The following CATSPERB variants were observed in gnomAD, a reference collection of about 807,000 sequenced individuals.
CATSPERB encodes catsper channel auxiliary subunit beta.
In CATSPERB, 93 loss-of-function variants were observed where a neutral mutation model predicts 128.3. The observed-to-expected ratio is 0.72, with a 90% CI of 0.61 to 0.86. The LOEUF (loss-of-function observed/expected upper bound fraction) is 0.86. Among genes scored for constraint, CATSPERB ranks in the 40% least tolerant of loss-of-function variants. The probability of loss-of-function intolerance (pLI) is 0.00; values close to 1 mark genes in which losing one functional copy is unlikely to be tolerated. For synonymous variants in CATSPERB, 381 were observed against 448.8 expected (o/e 0.85, Z 1.91); for missense variants, 1,153 against 1,329.5 (o/e 0.87, Z 2.06).
intron 13 of CATSPERB, among the ~76,000 whole-genome samples, chr14:91,671,812 A>G (rs1013635230): frequency 2.7e-4 from 41 of 151,962 alleles, no homozygotes; most frequent in Non-Finnish European, 2.8e-4. Flanking sequence ...CGGGCAGATC[A>G]CGAGGTCAGG....
At chr14:91,692,175 C>CAAAAAA (rs748422210) in intron 9 of CATSPERB, among the ~76,000 whole-genome samples, 4 of 55,502 alleles carry the variant, frequency 7.2e-5, no homozygotes, top group African/African-American at 1.4e-4. Flanking sequence ...GACTCAGTCT[C>CAAAAAA]AAAAAAAAAA....
chr14:91,633,845 G>GA (rs1566712263), intron 17 of CATSPERB, among the ~76,000 whole-genome samples: 1 of 151,584 alleles, frequency 6.6e-6, no homozygotes, highest in Non-Finnish European at 1.5e-5. Context: ...GAGAGAGAGA[G>GA]AAAAAGAAAA....
At chr14:91,728,594 C>T (rs1896157822) in intron 2 of CATSPERB, among the ~76,000 whole-genome samples, 1 of 152,168 alleles carries the variant, frequency 6.6e-6, no homozygotes, top group Admixed American at 6.5e-5. Context: ...TCTAACTTTC[C>T]CTCCACGGAC....
intron 1 of CATSPERB, among the ~76,000 whole-genome samples, chr14:91,731,311 C>G (rs986887172): frequency 5.9e-5 from 9 of 152,230 alleles, no homozygotes; most frequent in South Asian, 2.1e-4. Flanking sequence ...GGGCATAGTT[C>G]CAGTCTCATT....
In CATSPERB at chr14:91,662,761, G is replaced by A. The variant is rs922525303; in HGVS notation, c.1288-2780C>T. 4.6e-5 allele frequency among the ~76,000 whole-genome samples: 7 copies of A among 152,258 alleles called. No homozygotes were observed. The South Asian group carries it at 1.0e-3, about 23-fold the overall frequency. On this transcript the variant is annotated intron_variant, in intron 14 of 26. Transcript: ENST00000256343. ...TTAAGTAGCTGAAAATGATATCGTC[G>A]TTCATTCCTGATTTGTATTTCCCTG...
intron 7 of CATSPERB, 115 bp from the exon 8 acceptor site, chr14:91,693,594 C>T (rs536390147): frequency 1.5e-6 from 1 of 686,292 alleles, no homozygotes; most frequent in South Asian, 1.8e-5. Context: ...ACTCTCACTT[C>T]CCAAAGCATT....
rs550174492 is a variant in CATSPERB at position 91,670,080 on chromosome 14, A to T, written c.1129-108T>A. ...AGAGAGAGATACAATCACTAACACA[A>T]CATAGAACTAGAAGGATTAGCAGTA... On this transcript the variant is annotated intron_variant, in intron 13 of 26. Transcript: ENST00000256343. The T allele has an allele frequency of 5.3e-6, 5 of 949,380 alleles. No homozygotes were observed. In the African/African-American group the frequency reaches 6.7e-5, roughly 13 times the overall value. 58.8% of individuals were successfully genotyped at this position (949,380 alleles called of 1,614,324 possible). A position where few individuals can be genotyped will look rare whatever the true frequency, so the allele number is the denominator to read the frequency against.
At chr14:91,621,976 C>G in intron 18 of CATSPERB, 39 bp from the exon 19 acceptor site, 1 of 1,393,162 alleles carries the variant, frequency 7.2e-7, no homozygotes, top group Non-Finnish European at 9.7e-7. Context: ...TTAAATCAAA[C>G]ATCCGATGTT....
chr14:91,706,756 T>G (rs1510221), intron 6 of CATSPERB, among the ~76,000 whole-genome samples: 1 of 152,146 alleles, frequency 6.6e-6, no homozygotes, highest in Non-Finnish European at 1.5e-5. Flanking sequence ...GTGAATGATA[T>G]CATCCTCTAC....
At position 91,580,966 on chromosome 14, in the gene CATSPERB, A is replaced by T. The variant is rs368429570; in HGVS notation, c.3274T>A (p.Trp1092Arg). 9 of 1,614,080 alleles carry T rather than the reference A, an allele frequency of 5.6e-6. No homozygotes were observed. The highest frequency in any genetic ancestry group is 7.6e-6 in the Non-Finnish European group (9 of 1,180,044). ...GIHPWRTFQR[W>R]IRRNQEKFSS... ...AACTTCTCTTGGTTTCTTCTAATCC[A>T]TCTTTGGAATGTCCTCCACGGATGG... Residue 1092 changes from tryptophan to arginine, a missense_variant, in exon 27 of 27, where the codon TGG becomes AGG. Trp to Arg is a moderately radical substitution (Grantham distance 101). Coordinates refer to ENST00000256343, the MANE Select transcript of CATSPERB (RefSeq NM_024764.4).
chr14:91,661,466 T>C (rs927451901), intron 14 of CATSPERB, among the ~76,000 whole-genome samples: 1 of 150,242 alleles, frequency 6.7e-6, no homozygotes, highest in Non-Finnish European at 1.5e-5. Flanking sequence ...TGTACTAACG[T>C]TACAGTGTTA....
intron 13 of CATSPERB, among the ~76,000 whole-genome samples, chr14:91,672,605 C>T (rs1010341272): frequency 6.6e-6 from 1 of 152,114 alleles, no homozygotes; most frequent in African/African-American, 2.4e-5. Context: ...AGAAAAATCC[C>T]AGCTTATATT....
intron 11 of CATSPERB, among the ~76,000 whole-genome samples, chr14:91,679,048 T>A (rs1287679688): frequency 1.3e-5 from 2 of 152,160 alleles, no homozygotes; most frequent in East Asian, 3.8e-4. Flanking sequence ...AAAATCAAGT[T>A]ACGTGTAAAT....
intron 26 of CATSPERB, among the ~76,000 whole-genome samples, chr14:91,582,224 C>T (rs567692980): frequency 1.3e-5 from 2 of 152,168 alleles, no homozygotes; most frequent in South Asian, 4.1e-4. Flanking sequence ...CACCTTTTTC[C>T]AAAAATGTTT....
rs112022069 is a variant in CATSPERB at position 91,637,415 on chromosome 14, G to C, written c.1588-836C>G. Among the ~76,000 whole-genome samples, 900 of 152,256 alleles carry C rather than the reference G, an allele frequency of 5.9e-3. 6 individuals carry two copies. Among genetic ancestry groups the C allele is most frequent in the African/African-American group, 0.021 (865 of 41,544 alleles). On this transcript the variant is annotated intron_variant, in intron 16 of 26. Transcript: ENST00000256343. Reference sequence around the variant, plus strand: ...GTGGGATTGAGCCAAATGGCTTGAGGACTCTTGAAAATCACTGAAATGGCT... The same window carrying C: ...GTGGGATTGAGCCAAATGGCTTGAGCACTCTTGAAAATCACTGAAATGGCT...
chr14:91,686,348 C>G (rs1011959979), intron 10 of CATSPERB, among the ~76,000 whole-genome samples: 9 of 152,102 alleles, frequency 5.9e-5, no homozygotes, highest in Non-Finnish European at 7.4e-5. Flanking sequence ...AAGTGCTCAA[C>G]AAATATTTGT....
chr14:91,702,124 C>G (rs1281851772), intron 7 of CATSPERB, among the ~76,000 whole-genome samples: 2 of 151,904 alleles, frequency 1.3e-5, no homozygotes, highest in Non-Finnish European at 2.9e-5. Context: ...CCATGACTTT[C>G]ATTTGTAAGG....
At chr14:91,639,389 C>A (rs377662839) in intron 15 of CATSPERB, 139 bp from the exon 16 acceptor site, 5 of 682,414 alleles carry the variant, frequency 7.3e-6, no homozygotes, top group Non-Finnish European at 1.2e-5. Flanking sequence ...TAGGAAAATG[C>A]ATGTTAGTTT....
At chr14:91,727,447 T>C (rs1300802579) in intron 2 of CATSPERB, among the ~76,000 whole-genome samples, 1 of 152,228 alleles carries the variant, frequency 6.6e-6, no homozygotes, top group Non-Finnish European at 1.5e-5. Flanking sequence ...ACTCATTCTG[T>C]TTGTATAATG....
Sources: allele counts gnomAD v4.1 joint callset (sites outside exome capture counted in the v4.1 genomes callset), GRCh38; gene constraint gnomAD v4.1.1; transcripts MANE v1.5; gene names NCBI Gene and HGNC (gene_info 2026-07-23, HGNC 2026-07-21).